FER: variants seen among roughly 807,000 people sequenced by gnomAD.
The protein encoded by FER is FER tyrosine kinase.
Under a neutral mutation model 111.0 loss-of-function variants are expected in FER, and 63 were observed. That is an observed-to-expected ratio of 0.57 (90% CI 0.46 to 0.70). The LOEUF is 0.70. FER is among the 30% of genes least tolerant of loss of function. The pLI is 0.00. For synonymous variants in FER, 327 were observed against 313.9 expected (o/e 1.04, Z -0.44); for missense variants, 914 against 954.0 (o/e 0.96, Z 0.55).
chr5:108,755,214 T>C (rs923903326), intron 1 of FER, among the ~76,000 whole-genome samples: 2 of 152,234 alleles, frequency 1.3e-5, no homozygotes, highest in African/African-American at 4.8e-5. Context: ...TCCTATAGTT[T>C]GCAGAATAAA....
chr5:108,883,001 A>G (rs1383366694), intron 8 of FER, among the ~76,000 whole-genome samples: 2 of 151,948 alleles, frequency 1.3e-5, no homozygotes, highest in Admixed American at 1.3e-4. Context: ...ATCTCATAAG[A>G]TTGTTGTGAA....
At chr5:109,132,883 A>G (rs1280397861) in intron 17 of FER, among the ~76,000 whole-genome samples, 2 of 152,184 alleles carry the variant, frequency 1.3e-5, no homozygotes, top group African/African-American at 2.4e-5. Context: ...GAAATAAAGA[A>G]CAAATCAGGA....
intron 13 of FER, among the ~76,000 whole-genome samples, chr5:109,027,574 A>G (rs1049495086): frequency 6.6e-6 from 1 of 152,150 alleles, no homozygotes; most frequent in African/African-American, 2.4e-5. Flanking sequence ...TCGAATTTCA[A>G]ATATGTCCCT....
chr5:109,054,167 G>A (rs745395080), intron 16 of FER, among the ~76,000 whole-genome samples: 38 of 152,082 alleles, frequency 2.5e-4, no homozygotes, highest in Non-Finnish European at 3.8e-4. Context: ...GGAATGAATC[G>A]ATCATCTGGC....
At chr5:109,171,215 A>G (rs1757062152) in intron 17 of FER, among the ~76,000 whole-genome samples, 1 of 152,186 alleles carries the variant, frequency 6.6e-6, no homozygotes, top group Non-Finnish European at 1.5e-5. Context: ...AAGGATCATA[A>G]AATTGTTCGA....
At chr5:109,025,694 G>A (rs1406891472) in intron 13 of FER, among the ~76,000 whole-genome samples, 1 of 151,724 alleles carries the variant, frequency 6.6e-6, no homozygotes, top group East Asian at 1.9e-4. Context: ...TCCCTGTCTT[G>A]TGCCAGTTTT....
At chr5:109,088,984 A>G (rs896908290) in intron 16 of FER, among the ~76,000 whole-genome samples, 8 of 152,192 alleles carry the variant, frequency 5.3e-5, no homozygotes, top group Non-Finnish European at 1.0e-4. Flanking sequence ...AGATTCTGCA[A>G]TAGGCTACCC....
chr5:108,919,466 A>G (rs886832700), intron 10 of FER, among the ~76,000 whole-genome samples: 1 of 152,138 alleles, frequency 6.6e-6, no homozygotes, highest in East Asian at 1.9e-4. Flanking sequence ...TCTTTGAGAG[A>G]TACTTAATTT....
intron 16 of FER, among the ~76,000 whole-genome samples, chr5:109,087,894 A>G (rs1777741991): frequency 6.6e-6 from 1 of 151,904 alleles, no homozygotes; most frequent in African/African-American, 2.4e-5. Context: ...TTTCTGTCCC[A>G]GGGACAGTCC....
intron 17 of FER, among the ~76,000 whole-genome samples, chr5:109,146,183 AATAC>A (rs200437851): frequency 0.039 from 4,697 of 121,912 alleles, 193 homozygotes; most frequent in South Asian, 0.097. Flanking sequence ...GCAGCAAAAA[AATAC>A]ATATATATAT....
intron 8 of FER, among the ~76,000 whole-genome samples, chr5:108,872,826 C>G (rs1764725711): frequency 1.3e-5 from 2 of 152,192 alleles, no homozygotes; most frequent in South Asian, 2.1e-4. Context: ...AATATTTAAC[C>G]TATCTCTTGA....
chr5:108,835,243 G>T (rs908410710), intron 4 of FER, among the ~76,000 whole-genome samples: 3 of 137,154 alleles, frequency 2.2e-5, no homozygotes, highest in Admixed American at 1.6e-4. Context: ...GTGCAGTGGT[G>T]TGATCTTGGC....
Position 109,173,880 on chromosome 5 carries a change from C to G in FER, c.2049-6867C>G, listed in dbSNP as rs954021787. ...CTTCAAGAATAAGCAGTCATTTGCTCTCACAATAAATATCTGTAGGGCATT... is the reference window on the plus strand; with the variant it reads ...CTTCAAGAATAAGCAGTCATTTGCTGTCACAATAAATATCTGTAGGGCATT... On this transcript the variant is annotated intron_variant, in intron 17 of 19. Coordinates refer to ENST00000281092, the MANE Select transcript of FER (RefSeq NM_005246.4). Among the ~76,000 whole-genome samples the G allele has an allele frequency of 1.6e-4, 24 of 151,890 alleles. 1 individual carries two copies. The highest frequency in any genetic ancestry group is 5.6e-4 in the African/African-American group (23 of 41,346).
intron 5 of FER, among the ~76,000 whole-genome samples, chr5:108,866,288 A>G (rs992816215): frequency 3.9e-5 from 6 of 152,224 alleles, no homozygotes; most frequent in Non-Finnish European, 8.8e-5. Flanking sequence ...CTTTGTAGGG[A>G]CATGGATGAA....
At position 108,883,477 on chromosome 5, in the gene FER, G is replaced by T; in HGVS notation, c.1005G>T (p.Lys335Asn). ...AGGAGGCTGTTTTGGAGTTAGAGAAGAGAATTGAAGAATCTTCTGAAACTT... is the reference window on the plus strand; with the variant it reads ...AGGAGGCTGTTTTGGAGTTAGAGAATAGAATTGAAGAATCTTCTGAAACTT... ...NKEEAVLELEKRIEESSETCE... is the reference protein window; with the variant it reads ...NKEEAVLELENRIEESSETCE... The change falls in exon 9 of 20, where the codon AAG (lysine) becomes AAT (asparagine). Residue 335 changes from lysine (K) to asparagine (N), a missense_variant. Lys to Asn is a moderately conservative substitution (Grantham distance 94, BLOSUM62 0). Transcript: ENST00000281092. The T allele has an allele frequency of 6.2e-7, 1 of 1,608,032 alleles. No homozygotes were observed. Among genetic ancestry groups the T allele is most frequent in the South Asian group, 1.1e-5 (1 of 90,434 alleles).
In FER at chr5:108,872,002, A is replaced by AT. The variant is rs954337906; in HGVS notation, c.804-90dup. 5 of 1,280,434 alleles carry AT rather than the reference A, an allele frequency of 3.9e-6. No homozygotes were observed. In the African/African-American group the frequency reaches 4.7e-5, roughly 12 times the overall value. 79.3% of individuals were successfully genotyped at this position (1,280,434 alleles called of 1,614,324 possible). A position where few individuals can be genotyped will look rare whatever the true frequency, so the allele number is the denominator to read the frequency against. On this transcript the variant is annotated intron_variant, in intron 7 of 19. Coordinates refer to ENST00000281092, the MANE Select transcript of FER (RefSeq NM_005246.4). ...GTTTTCTTTGTTAACATAATTTTGG[A>AT]TAAAAACAAATATTCTGCCTTTAGT...
chr5:108,924,721 C>T (rs561106620), intron 10 of FER: 21 of 1,231,898 alleles, frequency 1.7e-5, no homozygotes, highest in Middle Eastern at 3.1e-4. Context: ...TTTCGGCTCC[C>T]AATCCTGTAA....
chr5:108,820,978 G>A (rs1431477128), intron 3 of FER, among the ~76,000 whole-genome samples: 2 of 152,178 alleles, frequency 1.3e-5, no homozygotes, highest in Admixed American at 1.3e-4. Flanking sequence ...CGAGCATGGT[G>A]GCACATGCCT....
At chr5:109,060,751 G>C (rs1040330639) in intron 16 of FER, among the ~76,000 whole-genome samples, 1 of 139,498 alleles carries the variant, frequency 7.2e-6, no homozygotes, top group African/African-American at 2.6e-5. Flanking sequence ...GTGTGTGTGC[G>C]TATGTGTGGT....
Sources: gnomAD v4.1 joint callset for allele counts (sites outside exome capture counted in the v4.1 genomes callset) on GRCh38, gnomAD v4.1.1 for gene constraint, MANE v1.5 for transcripts, NCBI Gene and HGNC (gene_info 2026-07-23, HGNC 2026-07-21) for gene names.